SLC12A3: variants seen among roughly 807,000 people sequenced by gnomAD.
The protein encoded by SLC12A3 is solute carrier family 12 member 3, also known as Na-Cl cotransporter.
A neutral mutation model predicts 121.0 loss-of-function variants in SLC12A3; 104 were observed. The observed-to-expected ratio is 0.86, with a 90% CI of 0.73 to 1.01. The LOEUF (loss-of-function observed/expected upper bound fraction) is 1.01. Ranked by LOEUF, SLC12A3 falls within the 50% of genes least tolerant of loss-of-function variation. The pLI is 0.00. For synonymous variants in SLC12A3, 536 were observed against 533.4 expected (o/e 1.00, Z -0.07); for missense variants, 1,328 against 1,356.3 (o/e 0.98, Z 0.33).
intron 6 of SLC12A3, among the ~76,000 whole-genome samples, chr16:56,871,309 G>A (rs2055093975): frequency 6.6e-6 from 1 of 152,242 alleles, no homozygotes; most frequent in African/African-American, 2.4e-5. Context: ...GGAAAGCAAA[G>A]AAGGGGGAAA....
intron 23 of SLC12A3, among the ~76,000 whole-genome samples, chr16:56,901,542 G>T (rs762592412): frequency 2.0e-5 from 3 of 152,072 alleles, no homozygotes; most frequent in Non-Finnish European, 4.4e-5. Context: ...ATTTCGTCAG[G>T]TTGGCCAGGC....
intron 24 of SLC12A3, 86 bp from the exon 25 acceptor site, chr16:56,904,309 A>C (rs763348773): frequency 2.4e-6 from 3 of 1,228,358 alleles, no homozygotes; most frequent in African/African-American, 1.5e-5. Context: ...AATCCAGTTG[A>C]AAATGTTAAT....
chr16:56,883,733 T>C (rs1330019726), intron 13 of SLC12A3, among the ~76,000 whole-genome samples: 1 of 152,224 alleles, frequency 6.6e-6, no homozygotes, highest in Admixed American at 6.5e-5. Flanking sequence ...GGCAGAATCA[T>C]GTCCTTCCCC....
rs755543285 is a variant in SLC12A3, at chr16:56,868,279, AC to A, written c.430-12del. The A allele has an allele frequency of 3.1e-6, 5 of 1,612,752 alleles. No individual in the cohort carries two copies. The highest frequency in any genetic ancestry group is 1.1e-5 in the South Asian group (1 of 90,832). ...GGGGTGTCCACCCAGGTGGCCTCTGACCCCCCTGTCCTCCCAGATTCGTTGC... is the reference window on the plus strand; with the variant it reads ...GGGGTGTCCACCCAGGTGGCCTCTGACCCCCTGTCCTCCCAGATTCGTTGC... On this transcript the variant is annotated splice_polypyrimidine_tract_variant and intron_variant, in intron 2 of 25. Transcript: ENST00000563236.
At chr16:56,878,044 C>A in intron 8 of SLC12A3, 33 bp from the exon 9 acceptor site, 2 of 639,906 alleles carry the variant, frequency 3.1e-6, no homozygotes, top group Non-Finnish European at 2.9e-6. Flanking sequence ...CTCTCCCTCC[C>A]TCCCTCCCTC....
Position 56,899,571 on chromosome 16 carries a change from A to G in SLC12A3, c.2675A>G (p.Glu892Gly). The change falls in exon 23 of 26, where the codon GAA becomes GGA. Residue 892 changes from glutamate (E) to glycine (G), a missense_variant. Transcript: ENST00000563236. Reference protein sequence around the residue: ...LLSKFRLGFHEVHILPDINQN... With the variant: ...LLSKFRLGFHGVHILPDINQN... ...AGCAAGTTCCGACTGGGATTCCATG[A>G]AGTCCACATCCTCCCTGACATCAAC... 6.2e-7 allele frequency: 1 copy of G among 1,614,174 alleles called. No individual in the cohort carries two copies. Among genetic ancestry groups the G allele is most frequent in the Non-Finnish European group, 8.5e-7 (1 of 1,179,990 alleles).
intron 12 of SLC12A3, 73 bp from the exon 13 acceptor site, chr16:56,882,323 G>C: frequency 7.9e-7 from 1 of 1,273,444 alleles, no homozygotes; most frequent in African/African-American, 1.5e-5. Context: ...CCCACCCTGG[G>C]AAGGAGGGTG....
chr16:56,878,033 T>TCCCTCCCG, intron 8 of SLC12A3, 44 bp from the exon 9 acceptor site: 1 of 504,952 alleles, frequency 2.0e-6, no homozygotes, highest in African/African-American at 1.9e-5. Flanking sequence ...CCTCCCTCCC[T>TCCCTCCCG]CTCTCCCTCC....
chr16:56,889,132 T>C (rs2055356800), intron 18 of SLC12A3, among the ~76,000 whole-genome samples: 1 of 152,230 alleles, frequency 6.6e-6, no homozygotes, highest in Non-Finnish European at 1.5e-5. Context: ...GAGGTATCAC[T>C]GAACAACATG....
intron 25 of SLC12A3, among the ~76,000 whole-genome samples, chr16:56,905,790 G>C (rs1273841052): frequency 2.0e-5 from 3 of 152,200 alleles, no homozygotes; most frequent in African/African-American, 7.2e-5. Flanking sequence ...AAAGGAGGAG[G>C]GGGTAGGGGT....
In SLC12A3 at chr16:56,880,183, T is replaced by C. The variant is rs1216872861; in HGVS notation, c.1497T>C (p.Tyr499=). Residue 499 remains tyrosine, a synonymous_variant, in exon 12 of 26, where the codon TAT becomes TAC. Coordinates refer to ENST00000563236, the MANE Select transcript of SLC12A3 (RefSeq NM_001126108.2). ...YPLIGFFGKG[Y]GKNKEPVRGY... ...TGATCGGCTTCTTCGGCAAAGGCTATGGCAAGAACAAGGAGCCCGTGCGTG... is the reference window on the plus strand; with the variant it reads ...TGATCGGCTTCTTCGGCAAAGGCTACGGCAAGAACAAGGAGCCCGTGCGTG... 2 of 1,603,772 alleles carry C rather than the reference T, an allele frequency of 1.2e-6. No individual in the cohort carries two copies. The highest frequency in any genetic ancestry group is 1.3e-5 in the African/African-American group (1 of 74,992).
rs1330753692 is a variant in SLC12A3 at position 56,879,019 on chromosome 16, G to A, written c.1181-54G>A. The A allele has an allele frequency of 3.8e-6, 6 of 1,563,212 alleles. No homozygotes were observed. In the African/African-American group the frequency reaches 6.8e-5, roughly 18 times the overall value. ...CCTCTGCAGAGGTGGGGCTGGAAGA[G>A]GACAGAGTAAGGAGGGAAGGCAGAC... On this transcript the variant is annotated intron_variant, in intron 9 of 25. Coordinates refer to ENST00000563236, the MANE Select transcript of SLC12A3 (RefSeq NM_001126108.2).
At chr16:56,890,880 T>A (rs2055379469) in intron 19 of SLC12A3, among the ~76,000 whole-genome samples, 1 of 139,316 alleles carries the variant, frequency 7.2e-6, no homozygotes, top group South Asian at 2.3e-4. Context: ...CCATCCTGGG[T>A]GACAAGAGCA....
At chr16:56,910,810 G>A (rs1045845354) in intron 25 of SLC12A3, among the ~76,000 whole-genome samples, 3 of 152,240 alleles carry the variant, frequency 2.0e-5, no homozygotes, top group African/African-American at 7.2e-5. Flanking sequence ...GGTTAGATCT[G>A]AAGTCGCCTT....
chr16:56,873,387 T>C (rs1323532780), intron 8 of SLC12A3, among the ~76,000 whole-genome samples: 22 of 124,634 alleles, frequency 1.8e-4, no homozygotes, highest in Non-Finnish European at 2.5e-4. Context: ...TTTTTTTTTT[T>C]TTTTTTTTTT....
chr16:56,872,265 G>A, intron 6 of SLC12A3, 86 bp from the exon 7 acceptor site: 1 of 880,510 alleles, frequency 1.1e-6, no homozygotes, highest in Non-Finnish European at 1.9e-6. Context: ...TGGAGAAACG[G>A]GCCCTGGGCA....
chr16:56,904,266 T>C (rs558016450), intron 24 of SLC12A3, 129 bp from the exon 25 acceptor site: 1 of 905,776 alleles, frequency 1.1e-6, no homozygotes. Flanking sequence ...CTATAAGAAT[T>C]TATGAGGCAG....
intron 11 of SLC12A3, 30 bp downstream of exon 11, chr16:56,879,679 AG>A (rs1477493713): frequency 1.9e-6 from 3 of 1,548,402 alleles, no homozygotes; most frequent in Non-Finnish European, 1.8e-6. Flanking sequence ...TCGAGATGAC[AG>A]GGGGTGGGGA....
chr16:56,869,944 G>T, intron 4 of SLC12A3, 120 bp downstream of exon 4: 1 of 1,363,152 alleles, frequency 7.3e-7, no homozygotes, highest in African/African-American at 1.4e-5. Flanking sequence ...CCGGGAGAGG[G>T]CTCTAGGCAG....
Sources: allele counts gnomAD v4.1 joint callset (sites outside exome capture counted in the v4.1 genomes callset), GRCh38; gene constraint gnomAD v4.1.1; transcripts MANE v1.5; gene names NCBI Gene and HGNC (gene_info 2026-07-23, HGNC 2026-07-21).